GNB1: variants seen among roughly 807,000 people sequenced by gnomAD.
GNB1 encodes the protein guanine nucleotide-binding protein G(I)/G(S)/G(T) subunit beta-1.
A neutral mutation model predicts 42.9 loss-of-function variants in GNB1; 2 were observed. That is an observed-to-expected ratio of 0.05 (90% confidence interval 0.02 to 0.15). The LOEUF (loss-of-function observed/expected upper bound fraction) is 0.15, where lower values mean the gene tolerates loss of function less well. GNB1 is among the 10% of genes least tolerant of loss of function. GNB1 has a pLI of 1.00. For missense variants in GNB1, 193 were observed against 462.2 expected, an observed-to-expected ratio of 0.42 and a Z score of 5.34; for synonymous variants, 183 against 174.7, an observed-to-expected ratio of 1.05 and a Z score of -0.38.
intron 3 of GNB1, among the ~76,000 whole-genome samples, chr1:1,822,099 AAC>A (rs1025244824): frequency 1.4e-4 from 22 of 152,166 alleles, no homozygotes; most frequent in Admixed American, 1.3e-3. Flanking sequence ...CCTGTCTCAA[AAC>A]ACACAAACAA....
rs78079274 is a variant in GNB1, at chr1:1,789,228, G to A, written c.741C>T (p.Asp247=). The A allele has an allele frequency of 1.0e-4, 163 of 1,612,730 alleles. 2 individuals carry two copies. The highest frequency in any genetic ancestry group is 1.6e-4 in the East Asian group (7 of 44,886). The change falls in exon 10 of 12, where the codon GAC becomes GAT. Residue 247 remains aspartate, a synonymous_variant. Coordinates refer to ENST00000378609, the MANE Select transcript of GNB1 (RefSeq NM_002074.5). ...GAAGGTCAAACAGCCTGCAGGTGGC[G>A]TCGTCTGAGCCAGTGGCAAATGCAT... is the stretch of plus-strand genomic sequence containing the variant. ...NGNAFATGSD[D]ATCRLFDLRA...
chr1:1,822,443 C>T (rs952238093), intron 3 of GNB1, among the ~76,000 whole-genome samples: 1 of 151,938 alleles, frequency 6.6e-6, no homozygotes, highest in Non-Finnish European at 1.5e-5. Context: ...GTTGGGACTA[C>T]AGGCGCCCAC....
intron 5 of GNB1, among the ~76,000 whole-genome samples, chr1:1,813,072 G>A (rs1570655250): frequency 1.3e-5 from 2 of 152,160 alleles, no homozygotes; most frequent in East Asian, 3.9e-4. Flanking sequence ...TGGAGGAAAG[G>A]CCCCAGAGGT....
intron 1 of GNB1, among the ~76,000 whole-genome samples, chr1:1,857,085 T>G (rs967090375): frequency 6.6e-6 from 1 of 152,174 alleles, no homozygotes; most frequent in Non-Finnish European, 1.5e-5. Context: ...AATGGGAAAT[T>G]TGGTATTAAC....
At chr1:1,814,855 G>C (rs1284969982) in intron 5 of GNB1, among the ~76,000 whole-genome samples, 2 of 150,098 alleles carry the variant, frequency 1.3e-5, no homozygotes, top group Non-Finnish European at 3.0e-5. Context: ...GCTCACGCCT[G>C]TAATCCCATC....
At chr1:1,872,053 G>A (rs1649278915) in intron 1 of GNB1, among the ~76,000 whole-genome samples, 5 of 150,638 alleles carry the variant, frequency 3.3e-5, no homozygotes, top group Admixed American at 1.3e-4. Context: ...CCAGACTCGA[G>A]TACAGTTGTG....
At position 1,864,314 on chromosome 1, in the gene GNB1, C is replaced by CAAAAAAAAAAAAA. The variant is rs1173466617; in HGVS notation, c.-95-25089_-95-25077dup. On this transcript the variant is annotated intron_variant, in intron 1 of 11. Transcript: ENST00000378609. ...CTGGGTGACAAGAGCAAGACTCTCT[C>CAAAAAAAAAAAAA]AAAAAAAAAAAAAAAAAAAAAAGAA... Among the ~76,000 whole-genome samples the CAAAAAAAAAAAAA allele has an allele frequency of 3.8e-3, 145 of 37,904 alleles. 7 individuals carry two copies. Among genetic ancestry groups the CAAAAAAAAAAAAA allele is most frequent in the Non-Finnish European group, 5.2e-3 (106 of 20,376 alleles). 24.9% of individuals were successfully genotyped at this position (37,904 alleles called of 152,430 possible). A position where few individuals can be genotyped will look rare whatever the true frequency, so the allele number is the denominator to read the frequency against.
At chr1:1,801,746 A>G (rs560975201) in intron 7 of GNB1, among the ~76,000 whole-genome samples, 26 of 152,338 alleles carry the variant, frequency 1.7e-4, no homozygotes, top group African/African-American at 5.8e-4. Context: ...ACAAAAATGA[A>G]GGGACAAAAA....
At chr1:1,803,960 T>TTG (rs1256676889) in intron 7 of GNB1, among the ~76,000 whole-genome samples, 1 of 115,330 alleles carries the variant, frequency 8.7e-6, no homozygotes, top group African/African-American at 3.4e-5. Flanking sequence ...CCAGCCTGGG[T>TTG]GACATAGTGA....
At chr1:1,821,252 T>C (rs765479367) in intron 3 of GNB1, among the ~76,000 whole-genome samples, 19 of 152,236 alleles carry the variant, frequency 1.2e-4, no homozygotes, top group Non-Finnish European at 2.2e-4. Flanking sequence ...CTGGCTGGCA[T>C]GCCGCTCCAG....
At chr1:1,828,465 T>G (rs1284275918) in intron 2 of GNB1, among the ~76,000 whole-genome samples, 3 of 152,150 alleles carry the variant, frequency 2.0e-5, no homozygotes, top group East Asian at 3.8e-4. Flanking sequence ...TACAAGAACA[T>G]GTACACAACA....
intron 1 of GNB1, among the ~76,000 whole-genome samples, chr1:1,866,460 T>G (rs761769938): frequency 5.9e-5 from 9 of 152,190 alleles, no homozygotes; most frequent in Non-Finnish European, 1.3e-4. Flanking sequence ...CCACCTTAAA[T>G]CTTTTTAACA....
chr1:1,884,041 C>A (rs1650008757), intron 1 of GNB1, among the ~76,000 whole-genome samples: 1 of 151,622 alleles, frequency 6.6e-6, no homozygotes, highest in Non-Finnish European at 1.5e-5. Flanking sequence ...TCTCGGCTCA[C>A]CGCAACCTCC....
rs1646416577 is a variant in GNB1, at chr1:1,787,085, A to G, written c.*10-32T>C. On this transcript the variant is annotated intron_variant, in intron 11 of 11. Transcript: ENST00000378609. This position sits in a 1 kb window ranked among gnomAD's most constrained non-coding sequence, Gnocchi z 4.4. The stretch of plus-strand genomic sequence containing the variant: ...TAAACAGAGTTTAAAGAAATGTGAA[A>G]AGAGGCAGAGAATCTAAGTGCAGAC... The G allele has an allele frequency of 2.6e-6, 1 of 381,436 alleles. No individual in the cohort carries two copies. The highest frequency in any genetic ancestry group is 2.1e-5 in the African/African-American group (1 of 47,964). 23.6% of individuals were successfully genotyped at this position (381,436 alleles called of 1,614,324 possible).
intron 5 of GNB1, among the ~76,000 whole-genome samples, chr1:1,811,836 T>C (rs1168154280): frequency 3.3e-5 from 5 of 151,498 alleles, no homozygotes; most frequent in African/African-American, 9.7e-5. Flanking sequence ...GAGGCCGAGG[T>C]GGGCAGATCA....
At chr1:1,827,726 G>A (rs1482972045) in intron 2 of GNB1, among the ~76,000 whole-genome samples, 1 of 152,132 alleles carries the variant, frequency 6.6e-6, no homozygotes, top group African/African-American at 2.4e-5. Context: ...TTTCACACAT[G>A]ATCAAATTAT....
At chr1:1,837,506 G>A (rs1473002419) in intron 2 of GNB1, among the ~76,000 whole-genome samples, 3 of 150,732 alleles carry the variant, frequency 2.0e-5, no homozygotes, top group South Asian at 2.1e-4. Flanking sequence ...CACCCTCCTT[G>A]GCCTCCCAAA....
At chr1:1,822,859 G>A (rs887683064) in intron 3 of GNB1, among the ~76,000 whole-genome samples, 22 of 152,094 alleles carry the variant, frequency 1.4e-4, no homozygotes, top group Non-Finnish European at 1.3e-4. Context: ...CACTATTTGT[G>A]AACAACTTAT....
At chr1:1,876,777 G>A (rs1487197174) in intron 1 of GNB1, among the ~76,000 whole-genome samples, 1 of 152,120 alleles carries the variant, frequency 6.6e-6, no homozygotes, top group Non-Finnish European at 1.5e-5. Context: ...AATTTTATTT[G>A]TAGCATGTCA....
Sources: allele counts gnomAD v4.1 joint callset (sites outside exome capture counted in the v4.1 genomes callset), GRCh38; gene constraint gnomAD v4.1.1; non-coding constraint Gnocchi (gnomAD v3.1); transcripts MANE v1.5; gene names NCBI Gene and HGNC (gene_info 2026-07-23, HGNC 2026-07-21).